CDC25A: variants seen among roughly 807,000 people sequenced by gnomAD.
The protein encoded by CDC25A is cell division cycle 25A, also known as M-phase inducer phosphatase 1.
A neutral mutation model predicts 64.6 loss-of-function variants in CDC25A; 17 were observed. The observed-to-expected ratio is 0.26, with a 90% CI of 0.18 to 0.39. The LOEUF (loss-of-function observed/expected upper bound fraction) is 0.39. Among genes scored for constraint, CDC25A ranks in the 10% least tolerant of loss-of-function variants. CDC25A has a pLI of 1.00. For missense variants in CDC25A, 473 were observed against 654.8 expected (o/e 0.72, Z 3.03); for synonymous variants, 229 against 238.6 (o/e 0.96, Z 0.37).
chr3:48,176,110 G>A (rs2032445777), intron 8 of CDC25A, among the ~76,000 whole-genome samples: 1 of 152,142 alleles, frequency 6.6e-6, no homozygotes, highest in Non-Finnish European at 1.5e-5. Flanking sequence ...AGAGGTTGCA[G>A]CAAGTCAAGA....
chr3:48,184,676 A>G lies in CDC25A; in HGVS notation c.267T>C (p.Pro89=), dbSNP rs1325376103. The part of the protein sequence containing the change: ...STDSGFCLDS[P]GPLDSKENLE... ...ACTTTTCTTTACTGTCCAATGGCCC[A>G]GGAGAATCTAGACAGAAACCTATGG... is the stretch of plus-strand genomic sequence containing the variant. Residue 89 remains proline (P), a synonymous_variant, in exon 3 of 15, where the codon CCT becomes CCC. Coordinates refer to ENST00000302506, the MANE Select transcript of CDC25A (RefSeq NM_001789.3). 1.9e-6 allele frequency: 3 copies of G among 1,592,626 alleles called. No homozygotes were observed. The highest frequency in any genetic ancestry group is 1.8e-5 in the Admixed American group (1 of 54,382).
chr3:48,186,880 GAA>G (rs2032864056), intron 1 of CDC25A, 101 bp from the exon 2 acceptor site: 1 of 792,804 alleles, frequency 1.3e-6, no homozygotes, highest in African/African-American at 1.7e-5. Context: ...CAGGCTGCCA[GAA>G]ACCATTTCTA....
rs775789345 is a variant in CDC25A, at chr3:48,187,902, C to A, written c.46G>T (p.Ala16Ser). Residue 16 changes from alanine to serine, a missense_variant, in exon 1 of 15, where the codon GCC becomes TCC. By Grantham distance (99) the Ala-to-Ser change is moderately conservative. Around this residue, in one of 2 missense-constraint regions of CDC25A, gnomAD observed 376 missense variants for 431.9 expected, o/e 0.87. Transcript: ENST00000302506. ...TGCGACGCGGGAGGGGGGCTGCAGGCGAAGAGCAGGCGGCGGCGGTGCGGG... is the reference window on the plus strand; with the variant it reads ...TGCGACGCGGGAGGGGGGCTGCAGGAGAAGAGCAGGCGGCGGCGGTGCGGG... ...EPPHRRRLLF[A>S]CSPPPASQPV... is the part of the protein sequence containing the mutation. 1 of 1,542,468 alleles carries A rather than the reference C, an allele frequency of 6.5e-7. No homozygotes were observed. Among genetic ancestry groups the A allele is most frequent in the South Asian group, 1.2e-5 (1 of 83,758 alleles).
intron 13 of CDC25A, among the ~76,000 whole-genome samples, chr3:48,163,621 T>C (rs868508104): frequency 6.6e-6 from 1 of 152,126 alleles, no homozygotes; most frequent in Non-Finnish European, 1.5e-5. Flanking sequence ...AAAATTGAAA[T>C]TTTTTAATTT....
intron 12 of CDC25A, 147 bp from the exon 13 acceptor site, chr3:48,164,584 T>C: frequency 1.5e-6 from 1 of 663,072 alleles, no homozygotes; most frequent in Non-Finnish European, 2.3e-6. Context: ...AATAGCCCAG[T>C]AGACCATTTG....
At position 48,157,224 on chromosome 3, in the gene CDC25A, T is replaced by C. The variant is rs2031541788; in HGVS notation, c.*1721A>G. On this transcript the variant is annotated 3_prime_UTR_variant, in exon 15 of 15. Coordinates refer to ENST00000302506, the MANE Select transcript of CDC25A (RefSeq NM_001789.3). Reference sequence around the variant, plus strand: ...TTCAGAGCTTCCAACAGTTGGTTAGTAATGCTAGCTAAGCTGGTATAATCT... The same window carrying C: ...TTCAGAGCTTCCAACAGTTGGTTAGCAATGCTAGCTAAGCTGGTATAATCT... The C allele has an allele frequency of 6.6e-6, 1 of 152,230 alleles. No homozygotes were observed. Among genetic ancestry groups the C allele is most frequent in the South Asian group, 2.1e-4 (1 of 4,834 alleles). 9.4% of individuals were successfully genotyped at this position (152,230 alleles called of 1,614,324 possible).
chr3:48,173,673 C>G (rs1020330615), intron 9 of CDC25A, among the ~76,000 whole-genome samples: 33 of 152,208 alleles, frequency 2.2e-4, no homozygotes, highest in Admixed American at 1.4e-3. Context: ...TGAGACAAGT[C>G]CCCACCCAAG....
chr3:48,183,119 G>A, intron 4 of CDC25A, 89 bp from the exon 5 acceptor site: 1 of 833,582 alleles, frequency 1.2e-6, no homozygotes, highest in Non-Finnish European at 2.0e-6. Context: ...AAGGGGGGTT[G>A]AATAGGGGGT....
chr3:48,164,888 G>T (rs1443757605), intron 12 of CDC25A, among the ~76,000 whole-genome samples: 1 of 151,348 alleles, frequency 6.6e-6, no homozygotes, highest in Admixed American at 6.6e-5. Flanking sequence ...CGGGCGGTTT[G>T]CCTGAGCTCA....
intron 9 of CDC25A, among the ~76,000 whole-genome samples, chr3:48,170,765 T>A (rs1413268880): frequency 1.3e-5 from 2 of 152,158 alleles, no homozygotes; most frequent in Non-Finnish European, 2.9e-5. Context: ...AGTCCCACCC[T>A]GAAGCTATCA....
At chr3:48,170,982 T>TA (rs1301721455) in intron 9 of CDC25A, among the ~76,000 whole-genome samples, 1 of 152,196 alleles carries the variant, frequency 6.6e-6, no homozygotes, top group Non-Finnish European at 1.5e-5. Context: ...TGAGGGCCAA[T>TA]ATATATACAA....
At chr3:48,183,093 TTCTC>T in intron 4 of CDC25A, 63 bp from the exon 5 acceptor site, 1 of 1,195,688 alleles carries the variant, frequency 8.4e-7, no homozygotes. Context: ...GAAAATTCAG[TTCTC>T]AAAAGAAAAA....
Position 48,180,725 on chromosome 3 carries a change from C to T in CDC25A, c.545G>A (p.Arg182Gln), listed in dbSNP as rs762890600. The part of the protein sequence containing the change: ...FTQRQNSAPA[R>Q]MLSSNERDSS... ...TATGAAAGCCAGAGCACATACCATC[C>T]GAGCTGGGGCAGAGTTCTGCCTCTG... The change falls in exon 6 of 15, where the codon CGG becomes CAG. Residue 182 changes from arginine (R) to glutamine (Q), a missense_variant. Coordinates refer to ENST00000302506, the MANE Select transcript of CDC25A (RefSeq NM_001789.3). The T allele has an allele frequency of 1.5e-5, 25 of 1,613,864 alleles. No homozygotes were observed. The highest frequency in any genetic ancestry group is 1.7e-5 in the Non-Finnish European group (20 of 1,179,922).
chr3:48,164,287 C>T lies in CDC25A; in HGVS notation c.1322+20G>A, dbSNP rs766982065. The T allele has an allele frequency of 1.3e-6, 2 of 1,529,750 alleles. No homozygotes were observed. The highest frequency in any genetic ancestry group is 2.6e-5 in the South Asian group (2 of 76,486). 94.8% of individuals were successfully genotyped at this position (1,529,750 alleles called of 1,614,324 possible). A position where few individuals can be genotyped will look rare whatever the true frequency, so the allele number is the denominator to read the frequency against. Reference sequence around the variant, plus strand: ...ATCATGGAGCCTGTGCCCCAGAACCCAGTTCCGTGCAGCACTCACATGCGG... The same window carrying T: ...ATCATGGAGCCTGTGCCCCAGAACCTAGTTCCGTGCAGCACTCACATGCGG... On this transcript the variant is annotated intron_variant, in intron 13 of 14. Transcript: ENST00000302506.
In CDC25A at chr3:48,177,461, T is replaced by C; in HGVS notation, c.685-19A>G. The C allele has an allele frequency of 6.2e-7, 1 of 1,603,506 alleles. No homozygotes were observed. Among genetic ancestry groups the C allele is most frequent in the Non-Finnish European group, 8.5e-7 (1 of 1,171,002 alleles). On this transcript the variant is annotated intron_variant, in intron 7 of 14. Transcript: ENST00000302506. ...CCTCATTCTAAAGAAACAGAAAAAC[T>C]GATTTTAAAAAGAGCCTGTAGAGAC... is the stretch of plus-strand genomic sequence containing the variant.
intron 5 of CDC25A, 104 bp downstream of exon 5, chr3:48,182,825 T>C (rs1219798815): frequency 2.7e-6 from 2 of 736,350 alleles, no homozygotes; most frequent in African/African-American, 1.7e-5. Context: ...CCGCACATAA[T>C]GGCCAAGTTT....
At chr3:48,169,719 T>A (rs1374538982) in intron 9 of CDC25A, among the ~76,000 whole-genome samples, 2 of 152,070 alleles carry the variant, frequency 1.3e-5, no homozygotes, top group Non-Finnish European at 2.9e-5. Flanking sequence ...AGTAAGAAAT[T>A]TAGCTCTGCC....
intron 9 of CDC25A, among the ~76,000 whole-genome samples, 160 bp downstream of exon 9, chr3:48,174,124 T>G (rs2032366782): frequency 6.6e-6 from 1 of 151,926 alleles, no homozygotes; most frequent in African/African-American, 2.4e-5. Flanking sequence ...CTAGATCCCA[T>G]CTCTATTAAA....
intron 13 of CDC25A, among the ~76,000 whole-genome samples, chr3:48,163,154 A>G (rs2031853838): frequency 6.7e-6 from 1 of 149,132 alleles, no homozygotes; most frequent in Admixed American, 6.7e-5. Flanking sequence ...GTGGTGGTGC[A>G]CGCCTGTTAT....
Sources: gnomAD v4.1 joint callset for allele counts (sites outside exome capture counted in the v4.1 genomes callset) on GRCh38, gnomAD v4.1.1 for gene constraint, gnomAD v4.1.1 regional missense constraint, MANE v1.5 for transcripts, NCBI Gene and HGNC (gene_info 2026-07-23, HGNC 2026-07-21) for gene names.